CACNB2: variants seen among roughly 807,000 people sequenced by gnomAD.
CACNB2 encodes calcium voltage-gated channel auxiliary subunit beta 2.
CACNB2 carries 42 observed loss-of-function variants against 73.3 expected under a neutral mutation model. The observed-to-expected ratio is 0.57, with a 90% CI of 0.45 to 0.74. The LOEUF (loss-of-function observed/expected upper bound fraction) is 0.74, where lower values mean the gene tolerates loss of function less well. Among genes scored for constraint, CACNB2 ranks in the 30% least tolerant of loss-of-function variants. The pLI, the probability that CACNB2 is intolerant of heterozygous loss-of-function variation, is 0.00. For missense variants in CACNB2, 940 were observed against 853.0 expected, an observed-to-expected ratio of 1.10 and a Z score of -1.27; for synonymous variants, 348 against 310.3, an observed-to-expected ratio of 1.12 and a Z score of -1.28.
intron 2 of CACNB2, among the ~76,000 whole-genome samples, chr10:18,228,196 G>A (rs2036076393): frequency 6.6e-6 from 1 of 152,016 alleles, no homozygotes; most frequent in African/African-American, 2.4e-5. Context: ...GGCCAAGGCG[G>A]GTGAATCACC....
intron 2 of CACNB2, among the ~76,000 whole-genome samples, chr10:18,193,750 A>G (rs910030301): frequency 1.3e-5 from 2 of 152,134 alleles, no homozygotes; most frequent in African/African-American, 2.4e-5. Context: ...ACAAACAGAT[A>G]AACTCCTAGA....
chr10:18,430,470 AAATT>A (rs1474682022), intron 3 of CACNB2, among the ~76,000 whole-genome samples: 4 of 152,118 alleles, frequency 2.6e-5, no homozygotes, highest in Admixed American at 6.5e-5. Flanking sequence ...TAAAAAAAAA[AAATT>A]AATTAATTAA....
chr10:18,495,584 T>TGTGTG, intron 3 of CACNB2, among the ~76,000 whole-genome samples: 1 of 138,196 alleles, frequency 7.2e-6, no homozygotes, highest in Non-Finnish European at 1.6e-5. Context: ...TGTGTGTGTG[T>TGTGTG]GTGTGTGTAT....
At chr10:18,514,503 T>C (rs1343696078) in intron 7 of CACNB2, 134 bp downstream of exon 7, 1 of 1,614,114 alleles carries the variant, frequency 6.2e-7, no homozygotes, top group Non-Finnish European at 8.5e-7. Flanking sequence ...TTTTCCATGC[T>C]GCTGTAGCTA....
At chr10:18,302,620 T>C (rs2062103119) in intron 2 of CACNB2, among the ~76,000 whole-genome samples, 1 of 152,162 alleles carries the variant, frequency 6.6e-6, no homozygotes, top group South Asian at 2.1e-4. Flanking sequence ...ATTATATTCA[T>C]ATGTTCTCAA....
At chr10:18,140,922 C>G (rs2030316985) in intron 1 of CACNB2, 66 bp downstream of exon 1, 1 of 1,543,812 alleles carries the variant, frequency 6.5e-7, no homozygotes, top group Non-Finnish European at 8.7e-7. Flanking sequence ...ACCTCGGGTT[C>G]TCCCGGCGCC....
chr10:18,357,544 T>C (rs191267120), intron 2 of CACNB2, among the ~76,000 whole-genome samples: 4 of 152,320 alleles, frequency 2.6e-5, no homozygotes, highest in Admixed American at 1.3e-4. Flanking sequence ...GTTAACAATT[T>C]GGTAAAGTTC....
Position 18,357,957 on chromosome 10 carries a change from C to G in CACNB2, c.214-43967C>G, listed in dbSNP as rs145999886. Reference sequence around the variant, plus strand: ...CATGGCGGGCAGGAATCATATTTGCCTCATCTACTATACAAGCCTCAACAT... The same window carrying G: ...CATGGCGGGCAGGAATCATATTTGCGTCATCTACTATACAAGCCTCAACAT... On this transcript the variant is annotated intron_variant, in intron 2 of 13. Transcript: ENST00000324631. 3.0e-3 allele frequency among the ~76,000 whole-genome samples: 452 copies of G among 152,286 alleles called. 1 individual carries two copies. The highest frequency in any genetic ancestry group is 0.011 in the African/African-American group (440 of 41,556).
At chr10:18,352,741 A>G (rs1423833627) in intron 2 of CACNB2, among the ~76,000 whole-genome samples, 2 of 152,212 alleles carry the variant, frequency 1.3e-5, no homozygotes, top group Non-Finnish European at 2.9e-5. Flanking sequence ...ATAGTATATG[A>G]CATTTTTAAG....
intron 2 of CACNB2, among the ~76,000 whole-genome samples, chr10:18,371,671 A>C (rs1346105772): frequency 6.6e-6 from 1 of 152,294 alleles, no homozygotes; most frequent in East Asian, 1.9e-4. Context: ...ATACATGTGC[A>C]TGTGTCTTTA....
intron 3 of CACNB2, among the ~76,000 whole-genome samples, chr10:18,404,420 A>G (rs1377082347): frequency 1.3e-5 from 2 of 152,218 alleles, no homozygotes; most frequent in Non-Finnish European, 2.9e-5. Flanking sequence ...CCAGAATTTC[A>G]TCTTGCCTTA....
chr10:18,430,879 A>C (rs752143477), intron 3 of CACNB2, among the ~76,000 whole-genome samples: 1 of 152,232 alleles, frequency 6.6e-6, no homozygotes, highest in Non-Finnish European at 1.5e-5. Context: ...GTGTCAACTG[A>C]AGGGATTAAG....
chr10:18,189,425 A>T (rs910267178), intron 2 of CACNB2, among the ~76,000 whole-genome samples: 1 of 152,174 alleles, frequency 6.6e-6, no homozygotes, highest in Non-Finnish European at 1.5e-5. Flanking sequence ...CATGTATTTA[A>T]ATTGGGGATA....
At position 18,478,665 on chromosome 10, in the gene CACNB2, G is replaced by A. The variant is rs77758479; in HGVS notation, c.334-19690G>A. On this transcript the variant is annotated intron_variant, in intron 3 of 13. Transcript: ENST00000324631. ...ATTACTTATTCCCTAATAGAGTTAA[G>A]AAGCTTATACAGCATCCTGGCCAAA... Among the ~76,000 whole-genome samples, 37 of 152,318 alleles carry A rather than the reference G, an allele frequency of 2.4e-4. No individual in the cohort carries two copies. The East Asian group carries it at 6.0e-3, about 25-fold the overall frequency.
chr10:18,296,452 A>T (rs112718341), intron 2 of CACNB2, among the ~76,000 whole-genome samples: 4 of 152,278 alleles, frequency 2.6e-5, no homozygotes, highest in African/African-American at 9.6e-5. Context: ...ATACGTTGAG[A>T]GAGTATTTTC....
chr10:18,232,463 T>C (rs1295341935), intron 2 of CACNB2, among the ~76,000 whole-genome samples: 2 of 152,150 alleles, frequency 1.3e-5, no homozygotes, highest in Non-Finnish European at 2.9e-5. Flanking sequence ...AAGAAAGGTA[T>C]AGGAAAGGAA....
intron 2 of CACNB2, among the ~76,000 whole-genome samples, chr10:18,192,911 T>C (rs1156747758): frequency 1.3e-5 from 2 of 152,206 alleles, no homozygotes; most frequent in Non-Finnish European, 2.9e-5. Context: ...CATGGGCTGT[T>C]TTTGCCTTTT....
chr10:18,363,115 A>G (rs2042209025), intron 2 of CACNB2, among the ~76,000 whole-genome samples: 1 of 152,136 alleles, frequency 6.6e-6, no homozygotes, highest in East Asian at 1.9e-4. Context: ...CTGCTCACAC[A>G]TCTCAGAAGC....
intron 2 of CACNB2, among the ~76,000 whole-genome samples, chr10:18,347,325 A>C (rs919612115): frequency 6.9e-6 from 1 of 145,640 alleles, no homozygotes; most frequent in Admixed American, 7.0e-5. Context: ...CTACAGGCGC[A>C]TGCCGCCATG....
Sources: gnomAD v4.1 joint callset for allele counts (sites outside exome capture counted in the v4.1 genomes callset) on GRCh38, gnomAD v4.1.1 for gene constraint, MANE v1.5 for transcripts, NCBI Gene and HGNC (gene_info 2026-07-23, HGNC 2026-07-21) for gene names.